BAAT: variants seen among roughly 807,000 people sequenced by gnomAD.
BAAT encodes the protein bile acid CoA: amino acid N-acyltransferase (glycine N-choloyltransferase).
In BAAT, 13 loss-of-function variants were observed where a neutral mutation model predicts 18.9. The ratio of observed to expected loss-of-function variants is 0.69; its 90% CI spans 0.45 to 1.10. The LOEUF (loss-of-function observed/expected upper bound fraction) is 1.10. Among genes scored for constraint, BAAT ranks in the 50% least tolerant of loss-of-function variants. The pLI, the probability that BAAT is intolerant of heterozygous loss-of-function variation, is 0.00. For missense variants in BAAT, 489 were observed against 504.0 expected, an observed-to-expected ratio of 0.97 and a Z score of 0.28; for synonymous variants, 170 against 190.7, an observed-to-expected ratio of 0.89 and a Z score of 0.89.
chr9:101,378,143 T>C (rs1830076691), intron 1 of BAAT, among the ~76,000 whole-genome samples: 1 of 152,154 alleles, frequency 6.6e-6, no homozygotes, highest in Non-Finnish European at 1.5e-5. Flanking sequence ...TGCTCATTGA[T>C]AGGAAGAAGT....
chr9:101,366,124 C>T (rs557754703), intron 3 of BAAT, among the ~76,000 whole-genome samples: 22 of 152,210 alleles, frequency 1.4e-4, no homozygotes, highest in African/African-American at 4.6e-4. Context: ...CTACCTTTCT[C>T]CCCCACCCCT....
rs576465085 is a variant in BAAT, at chr9:101,371,317, C to G, written c.88G>C (p.Val30Leu). Residue 30 changes from valine (V) to leucine (L), a missense_variant, in exon 2 of 4, where the codon GTG becomes CTG. Val to Leu is a conservative substitution (Grantham distance 32). Coordinates refer to ENST00000259407, the MANE Select transcript of BAAT (RefSeq NM_001701.4). ...RATGLIPFQM[V>L]SFQASLEDEN... ...TCTTCCAGTGATGCCTGAAAACTCACCATCTGAAAGGGAATCAGGCCTGTA... is the reference window on the plus strand; with the variant it reads ...TCTTCCAGTGATGCCTGAAAACTCAGCATCTGAAAGGGAATCAGGCCTGTA... 6.2e-7 allele frequency: 1 copy of G among 1,613,962 alleles called. No individual in the cohort carries two copies. The highest frequency in any genetic ancestry group is 1.1e-5 in the South Asian group (1 of 91,082).
In BAAT at chr9:101,371,255, A is replaced by C; in HGVS notation, c.150T>G (p.Tyr50Ter). 1 of 1,613,340 alleles carries C rather than the reference A, an allele frequency of 6.2e-7. No homozygotes were observed. The highest frequency in any genetic ancestry group is 8.5e-7 in the Non-Finnish European group (1 of 1,179,382). ...CCACCTCACCGAATTCATTGGCCCTATAGTGGGCTTGAGAATAAAACATGT... is the reference window on the plus strand; with the variant it reads ...CCACCTCACCGAATTCATTGGCCCTCTAGTGGGCTTGAGAATAAAACATGT... Reference protein sequence around the residue: ...NGDMFYSQAHYRANEFGEVDL... With the variant: ...NGDMFYSQAH Residue 50 changes from tyrosine (Y) to a stop codon, truncating the protein, a stop_gained, in exon 2 of 4, where the codon TAT (tyrosine) becomes TAG (stop). Transcript: ENST00000259407. LOFTEE classifies it high-confidence loss of function.
At chr9:101,383,328 T>C (rs899844330) in intron 1 of BAAT, 4 of 152,176 alleles carry the variant, frequency 2.6e-5, no homozygotes, top group Admixed American at 6.5e-5. Context: ...GATTATGAAA[T>C]GAACAAAAAG....
chr9:101,380,581 G>GT (rs1313720619), intron 1 of BAAT, among the ~76,000 whole-genome samples: 1 of 152,134 alleles, frequency 6.6e-6, no homozygotes, highest in Non-Finnish European at 1.5e-5. Context: ...GGTAGAAGCT[G>GT]TATCCTTTTT....
In BAAT at chr9:101,371,027, C is replaced by G; in HGVS notation, c.378G>C (p.Leu126=). The G allele has an allele frequency of 6.2e-7, 1 of 1,614,130 alleles. No homozygotes were observed. Among genetic ancestry groups the G allele is most frequent in the Non-Finnish European group, 8.5e-7 (1 of 1,180,010 alleles). Residue 126 remains leucine, a synonymous_variant, in exon 2 of 4, where the codon CTG becomes CTC. Coordinates refer to ENST00000259407, the MANE Select transcript of BAAT (RefSeq NM_001701.4). The stretch of plus-strand genomic sequence containing the variant: ...GTGCCACATACCACCTCTCCAAAGT[C>G]AGGCTGGCCTTTGGAGCACTGGCAA... ...NKVASAPKAS[L]TLERWYVAPG...
At chr9:101,370,728 A>G (rs1167958956) in intron 2 of BAAT, among the ~76,000 whole-genome samples, 1 of 152,178 alleles carries the variant, frequency 6.6e-6, no homozygotes, top group Admixed American at 6.6e-5. Flanking sequence ...TTCAGACCCA[A>G]GGTTAACATT....
chr9:101,371,135 T>C lies in BAAT; in HGVS notation c.270A>G (p.Arg90=). 6.2e-7 allele frequency: 1 copy of C among 1,614,098 alleles called. No individual in the cohort carries two copies. Among genetic ancestry groups the C allele is most frequent in the Non-Finnish European group, 8.5e-7 (1 of 1,180,006 alleles). ...TATTCATCACATCTCTTTTCAACAGTCTTGTTAATAGCTTTTCAGGTTTCA... is the reference window on the plus strand; with the variant it reads ...TATTCATCACATCTCTTTTCAACAGCCTTGTTAATAGCTTTTCAGGTTTCA... The part of the protein sequence containing the change: ...WSLKPEKLLT[R]LLKRDVMNRP... The change falls in exon 2 of 4, where the codon AGA becomes AGG. Residue 90 remains arginine, a synonymous_variant. Coordinates refer to ENST00000259407, the MANE Select transcript of BAAT (RefSeq NM_001701.4).
chr9:101,374,195 T>C (rs1377940986), intron 1 of BAAT, among the ~76,000 whole-genome samples: 2 of 152,186 alleles, frequency 1.3e-5, no homozygotes, highest in Non-Finnish European at 2.9e-5. Flanking sequence ...TGACCTAAGT[T>C]TTGAAGTTTC....
chr9:101,384,326 T>C (rs534079244), intron 1 of BAAT, among the ~76,000 whole-genome samples: 1 of 152,282 alleles, frequency 6.6e-6, no homozygotes, highest in African/African-American at 2.4e-5. Flanking sequence ...CTTAAACAGG[T>C]ACTTAACAGA....
At position 101,381,358 on chromosome 9, in the gene BAAT, C is replaced by CA. The variant is rs879826866; in HGVS notation, c.-60+3496dup. Among the ~76,000 whole-genome samples, 21 of 149,824 alleles carry CA rather than the reference C, an allele frequency of 1.4e-4. No homozygotes were observed. The East Asian group carries it at 2.0e-3, about 14-fold the overall frequency. ...GCAACATAGTGAGATCCCATCTCTA[C>CA]AAAAAAAAAGTAAAAATTAGCTGGG... On this transcript the variant is annotated intron_variant, in intron 1 of 3. Coordinates refer to ENST00000259407, the MANE Select transcript of BAAT (RefSeq NM_001701.4).
chr9:101,362,850 G>C lies in BAAT; in HGVS notation c.835C>G (p.Pro279Ala), dbSNP rs780901302. The C allele has an allele frequency of 1.2e-6, 2 of 1,614,152 alleles. No homozygotes were observed. Among genetic ancestry groups the C allele is most frequent in the South Asian group, 2.2e-5 (2 of 91,084 alleles). Reference protein sequence around the residue: ...VYHGQIHQPLPHSAQLISTNA... With the variant: ...VYHGQIHQPLAHSAQLISTNA... The stretch of plus-strand genomic sequence containing the variant: ...GTGGATATTAATTGTGCAGAATGGG[G>C]AAGGGGCTGATGGATCTGACCATGA... The change falls in exon 4 of 4, where the codon CCC becomes GCC. Residue 279 changes from proline to alanine, a missense_variant. Coordinates refer to ENST00000259407, the MANE Select transcript of BAAT (RefSeq NM_001701.4).
intron 3 of BAAT, among the ~76,000 whole-genome samples, chr9:101,366,987 C>T (rs1429518440): frequency 6.6e-6 from 1 of 151,688 alleles, no homozygotes; most frequent in African/African-American, 2.4e-5. Context: ...TGGCACGCGC[C>T]TATAGTCCCA....
chr9:101,367,842 C>T (rs564960026), intron 3 of BAAT, among the ~76,000 whole-genome samples: 2 of 152,288 alleles, frequency 1.3e-5, no homozygotes, highest in Non-Finnish European at 1.5e-5. Flanking sequence ...CTTCCAAGTA[C>T]GATTCTCAGT....
chr9:101,375,847 C>G (rs972717324), intron 1 of BAAT: 1 of 152,386 alleles, frequency 6.6e-6, no homozygotes, highest in Non-Finnish European at 1.5e-5. Flanking sequence ...CCCTTTTCTC[C>G]TTTTTGCCCA....
chr9:101,368,355 G>A, intron 2 of BAAT, 33 bp from the exon 3 acceptor site: 3 of 1,591,038 alleles, frequency 1.9e-6, no homozygotes, highest in Non-Finnish European at 2.6e-6. Context: ...TGTACATGAA[G>A]AGAAGGTGTG....
chr9:101,366,425 T>C (rs1829829101), intron 3 of BAAT, among the ~76,000 whole-genome samples: 1 of 152,186 alleles, frequency 6.6e-6, no homozygotes, highest in Non-Finnish European at 1.5e-5. Context: ...GAAAGATCTC[T>C]GTTCTATCAT....
intron 1 of BAAT, among the ~76,000 whole-genome samples, chr9:101,377,923 C>G (rs1174171937): frequency 6.6e-6 from 1 of 152,100 alleles, no homozygotes; most frequent in Non-Finnish European, 1.5e-5. Context: ...GATACAAAAT[C>G]AATGTGCAAA....
chr9:101,374,222 T>G (rs1830002335), intron 1 of BAAT, among the ~76,000 whole-genome samples: 1 of 152,234 alleles, frequency 6.6e-6, no homozygotes, highest in African/African-American at 2.4e-5. Context: ...CAGTTACCTG[T>G]CTTTCAACTT....
Sources: gnomAD v4.1 joint callset for allele counts (sites outside exome capture counted in the v4.1 genomes callset) on GRCh38, gnomAD v4.1.1 for gene constraint, MANE v1.5 for transcripts, NCBI Gene and HGNC (gene_info 2026-07-23, HGNC 2026-07-21) for gene names.